SLC25A24: variants seen among roughly 807,000 people sequenced by gnomAD.
SLC25A24 encodes the protein solute carrier family 25 member 24, also known as mitochondrial adenyl nucleotide antiporter SLC25A24.
A neutral mutation model predicts 60.7 loss-of-function variants in SLC25A24; 49 were observed. That is an observed-to-expected ratio of 0.81 (90% CI 0.64 to 1.02). The LOEUF (loss-of-function observed/expected upper bound fraction) is 1.02. SLC25A24 is among the 50% of genes least tolerant of loss of function. SLC25A24 has a pLI of 0.00. For missense variants in SLC25A24, 564 were observed against 586.3 expected, an observed-to-expected ratio of 0.96 and a Z score of 0.39; for synonymous variants, 202 against 200.6, an observed-to-expected ratio of 1.01 and a Z score of -0.06.
intron 1 of SLC25A24, among the ~76,000 whole-genome samples, chr1:108,190,923 CA>C (rs1648325415): frequency 7.2e-6 from 1 of 138,950 alleles, no homozygotes; most frequent in African/African-American, 2.5e-5. Flanking sequence ...CCTCCTCAGT[CA>C]CCACTAGGTA....
intron 6 of SLC25A24, among the ~76,000 whole-genome samples, chr1:108,149,842 T>C (rs1360597165): frequency 1.3e-5 from 2 of 152,190 alleles, no homozygotes; most frequent in Non-Finnish European, 2.9e-5. Flanking sequence ...AGCCAGTTTC[T>C]GTTCCCTGGG....
intron 1 of SLC25A24, among the ~76,000 whole-genome samples, chr1:108,196,953 T>C (rs1443185404): frequency 6.6e-6 from 1 of 152,222 alleles, no homozygotes; most frequent in Non-Finnish European, 1.5e-5. Context: ...TATCTCCTTG[T>C]TCTCACACTA....
At chr1:108,149,022 A>C (rs1679683174) in intron 6 of SLC25A24, among the ~76,000 whole-genome samples, 2 of 152,328 alleles carry the variant, frequency 1.3e-5, no homozygotes, top group South Asian at 4.1e-4. Context: ...ACAGCATAAC[A>C]GCATCCCTCC....
intron 1 of SLC25A24, among the ~76,000 whole-genome samples, chr1:108,187,922 TTATAGA>T (rs1441042692): frequency 1.6e-4 from 8 of 51,086 alleles, no homozygotes; most frequent in Middle Eastern, 0.013. Context: ...GGATAAGACA[TTATAGA>T]TATATATATA....
intron 3 of SLC25A24, among the ~76,000 whole-genome samples, chr1:108,169,402 A>G (rs1303157060): frequency 6.6e-6 from 1 of 152,154 alleles, no homozygotes; most frequent in East Asian, 1.9e-4. Context: ...GAGAAGGTAC[A>G]TCTTTTCTAT....
intron 7 of SLC25A24, among the ~76,000 whole-genome samples, chr1:108,147,397 T>C (rs1679633803): frequency 6.6e-6 from 1 of 152,246 alleles, no homozygotes; most frequent in South Asian, 2.1e-4. Context: ...GGGTTTTTCG[T>C]GTCTCTATCT....
intron 6 of SLC25A24, among the ~76,000 whole-genome samples, chr1:108,151,796 C>T (rs1037053310): frequency 9.9e-5 from 15 of 152,180 alleles, no homozygotes; most frequent in African/African-American, 3.6e-4. Context: ...ACATCTCAAA[C>T]TCAGCATGCA....
At chr1:108,141,845 G>A (rs927118803) in intron 8 of SLC25A24, among the ~76,000 whole-genome samples, 6 of 152,252 alleles carry the variant, frequency 3.9e-5, no homozygotes, top group South Asian at 4.1e-4. Flanking sequence ...GTTACACAGC[G>A]CTGGGGTGAA....
chr1:108,179,586 A>G (rs1342188735), intron 3 of SLC25A24, among the ~76,000 whole-genome samples: 1 of 152,218 alleles, frequency 6.6e-6, no homozygotes, highest in African/African-American at 2.4e-5. Flanking sequence ...CCATTAAAAA[A>G]AGAAGGAAAT....
chr1:108,149,305 C>T (rs1339248707), intron 6 of SLC25A24, among the ~76,000 whole-genome samples: 2 of 152,110 alleles, frequency 1.3e-5, no homozygotes, highest in Non-Finnish European at 2.9e-5. Context: ...GACCCCAATA[C>T]AGCCAAAATA....
intron 3 of SLC25A24, among the ~76,000 whole-genome samples, chr1:108,178,094 G>A (rs986361707): frequency 4.6e-5 from 7 of 152,012 alleles, no homozygotes; most frequent in East Asian, 1.9e-4. Flanking sequence ...ACCGTGAGAC[G>A]GGGGCTGCAG....
At chr1:108,158,346 T>G (rs1679959544) in intron 4 of SLC25A24, among the ~76,000 whole-genome samples, 3 of 152,150 alleles carry the variant, frequency 2.0e-5, no homozygotes, top group Admixed American at 1.3e-4. Context: ...CAGAAAAATT[T>G]TTACAGGCAA....
chr1:108,179,902 A>G (rs1163759318), intron 3 of SLC25A24, among the ~76,000 whole-genome samples: 1 of 152,200 alleles, frequency 6.6e-6, no homozygotes, highest in Middle Eastern at 3.2e-3. Flanking sequence ...GAGATGTATC[A>G]TGTTAATTAG....
In SLC25A24 at chr1:108,149,880, C is replaced by A. The variant is rs369735973; in HGVS notation, c.823-1494G>T. Among the ~76,000 whole-genome samples the A allele has an allele frequency of 6.7e-4, 102 of 152,298 alleles. 1 individual carries two copies. The South Asian group carries it at 0.02, about 30-fold the overall frequency. On this transcript the variant is annotated intron_variant, in intron 6 of 9. Transcript: ENST00000565488. ...CTAAAGTGCCCAATGCAACAACATA[C>A]GATGACTTTCTCCTAGCAAATCTGT...
rs1648613777 is a variant in SLC25A24, at chr1:108,200,063, T to C, written c.76A>G (p.Thr26Ala). ...QDAEQPTRYE[T>A]LFQALDRNGD... ...TTGCGGTCCAGTGCCTGGAAGAGGGTCTCGTAGCGCGTCGGCTGCTCCGCG... is the reference window on the plus strand; with the variant it reads ...TTGCGGTCCAGTGCCTGGAAGAGGGCCTCGTAGCGCGTCGGCTGCTCCGCG... Residue 26 changes from threonine (T) to alanine (A), a missense_variant, in exon 1 of 10, where the codon ACC (threonine) becomes GCC (alanine). By Grantham distance (58) the Thr-to-Ala change is moderately conservative. Transcript: ENST00000565488. The C allele has an allele frequency of 6.3e-7, 1 of 1,599,062 alleles. No individual in the cohort carries two copies. Among genetic ancestry groups the C allele is most frequent in the African/African-American group, 1.3e-5 (1 of 74,658 alleles).
chr1:108,164,393 T>C (rs1470387629), intron 3 of SLC25A24, among the ~76,000 whole-genome samples: 1 of 149,568 alleles, frequency 6.7e-6, no homozygotes, highest in Admixed American at 6.6e-5. Flanking sequence ...GTACCTCTGG[T>C]AGAATTCGGC....
At chr1:108,172,915 T>C (rs1006305305) in intron 3 of SLC25A24, among the ~76,000 whole-genome samples, 5 of 146,510 alleles carry the variant, frequency 3.4e-5, no homozygotes, top group African/African-American at 7.3e-5. Flanking sequence ...ACACTAGTAA[T>C]AATAATAATA....
chr1:108,152,489 C>G (rs1457959936), intron 6 of SLC25A24, among the ~76,000 whole-genome samples: 1 of 152,150 alleles, frequency 6.6e-6, no homozygotes, highest in African/African-American at 2.4e-5. Context: ...ACCTCAGCAT[C>G]CTGAGTACAG....
intron 3 of SLC25A24, among the ~76,000 whole-genome samples, chr1:108,174,514 CA>C (rs1486684308): frequency 6.6e-6 from 1 of 152,170 alleles, no homozygotes; most frequent in African/African-American, 2.4e-5. Context: ...TAGGGCAGTG[CA>C]AAAGGGAAAT....
Sources: gnomAD v4.1 joint callset for allele counts (sites outside exome capture counted in the v4.1 genomes callset) on GRCh38, gnomAD v4.1.1 for gene constraint, MANE v1.5 for transcripts, NCBI Gene and HGNC (gene_info 2026-07-23, HGNC 2026-07-21) for gene names.